Variants in ARHGEF33 observed in about 807,000 individuals in gnomAD.
ARHGEF33 encodes DH and coiled-coil domain-containing protein ENSP00000381780.
Under a neutral mutation model 101.9 loss-of-function variants are expected in ARHGEF33, and 72 were observed. The observed-to-expected ratio is 0.71, with a 90% CI of 0.58 to 0.86. The LOEUF is 0.86. Among genes scored for constraint, ARHGEF33 ranks in the 40% least tolerant of loss-of-function variants. ARHGEF33 has a pLI of 0.00. For missense variants in ARHGEF33, 1,169 were observed against 1,111.3 expected (o/e 1.05, Z -0.74); for synonymous variants, 499 against 442.5 (o/e 1.13, Z -1.60).
chr2:38,917,515 T>C (rs1666661689), intron 2 of ARHGEF33, among the ~76,000 whole-genome samples: 1 of 152,156 alleles, frequency 6.6e-6, no homozygotes, highest in Admixed American at 6.5e-5. Context: ...AATTAAGCAG[T>C]AGAACATTTC....
chr2:38,948,061 A>C (rs1201963913), intron 10 of ARHGEF33, among the ~76,000 whole-genome samples: 1 of 152,162 alleles, frequency 6.6e-6, no homozygotes, highest in Non-Finnish European at 1.5e-5. Context: ...ATAAACTACT[A>C]ATGTTGCCAA....
intron 2 of ARHGEF33, among the ~76,000 whole-genome samples, chr2:38,918,079 TGAAAG>T (rs1666674687): frequency 6.6e-6 from 1 of 152,184 alleles, no homozygotes; most frequent in Non-Finnish European, 1.5e-5. Flanking sequence ...AGGAATTTGT[TGAAAG>T]GAGATGGACA....
At position 38,966,057 on chromosome 2, in the gene ARHGEF33, A is replaced by G; in HGVS notation, c.2395A>G (p.Ser799Gly). The G allele has an allele frequency of 6.4e-7, 1 of 1,551,730 alleles. No homozygotes were observed. Among genetic ancestry groups the G allele is most frequent in the South Asian group, 1.2e-5 (1 of 84,062 alleles). ...TRFCPKEERE[S>G]EQTSFSDQNP... ...ATTCTGTCCCAAAGAAGAAAGAGAAAGTGAACAAACATCTTTCAGCGATCA... is the reference window on the plus strand; with the variant it reads ...ATTCTGTCCCAAAGAAGAAAGAGAAGGTGAACAAACATCTTTCAGCGATCA... The change falls in exon 17 of 18, where the codon AGT becomes GGT. Residue 799 changes from serine to glycine, a missense_variant. Transcript: ENST00000409978.
At chr2:38,943,156 G>A (rs1227761542) in intron 9 of ARHGEF33, among the ~76,000 whole-genome samples, 1 of 152,170 alleles carries the variant, frequency 6.6e-6, no homozygotes, top group Non-Finnish European at 1.5e-5. Context: ...TCGAACTCCT[G>A]ACCTCAGGTG....
intron 14 of ARHGEF33, 140 bp from the exon 15 acceptor site, chr2:38,957,894 G>C: frequency 8.6e-6 from 9 of 1,043,468 alleles, no homozygotes; most frequent in Non-Finnish European, 1.2e-5. Context: ...AAGCAACTTA[G>C]TTTGCAAAGG....
intron 2 of ARHGEF33, among the ~76,000 whole-genome samples, chr2:38,903,732 C>A (rs1001307220): frequency 2.0e-5 from 3 of 152,176 alleles, no homozygotes; most frequent in Admixed American, 1.3e-4. Flanking sequence ...TCTGCAAATA[C>A]CCTTTAGGGC....
chr2:38,955,690 T>G (rs1667723507), intron 13 of ARHGEF33, among the ~76,000 whole-genome samples: 2 of 151,586 alleles, frequency 1.3e-5, no homozygotes, highest in African/African-American at 4.9e-5. Context: ...TTATTTTTAT[T>G]TTTTGAGATG....
At chr2:38,895,721 A>G (rs552930008) in intron 1 of ARHGEF33, 56 bp from the exon 2 acceptor site, 1 of 152,088 alleles carries the variant, frequency 6.6e-6, no homozygotes, top group African/African-American at 2.4e-5. Context: ...AAATGATGGT[A>G]TAAAATGCAA....
Position 38,921,381 on chromosome 2 carries a change from T to C in ARHGEF33, c.33T>C (p.Asn11=), listed in dbSNP as rs1230828765. 1 of 1,541,596 alleles carries C rather than the reference T, an allele frequency of 6.5e-7. No homozygotes were observed. Among genetic ancestry groups the C allele is most frequent in the Non-Finnish European group, 8.8e-7 (1 of 1,137,752 alleles). Residue 11 remains asparagine (N), a synonymous_variant, in exon 4 of 18, where the codon AAT becomes AAC. Coordinates refer to ENST00000409978, the MANE Select transcript of ARHGEF33 (RefSeq NM_001145451.5). ...AGCTCTTTCTCCCTGCAGGAGAGAATGAACATATGCCGGTGAATAATCCTT... is the reference window on the plus strand; with the variant it reads ...AGCTCTTTCTCCCTGCAGGAGAGAACGAACATATGCCGGTGAATAATCCTT... MEKTKTKQGE[N]EHMPVNNPST...
At chr2:38,966,963 G>T (rs956894564) in intron 17 of ARHGEF33, among the ~76,000 whole-genome samples, 4 of 152,214 alleles carry the variant, frequency 2.6e-5, no homozygotes, top group African/African-American at 9.6e-5. Context: ...CCCTTAGAGA[G>T]ATTTTTCCTG....
At chr2:38,930,832 T>C (rs1465057348) in intron 6 of ARHGEF33, among the ~76,000 whole-genome samples, 1 of 152,172 alleles carries the variant, frequency 6.6e-6, no homozygotes, top group Non-Finnish European at 1.5e-5. Context: ...AAGATCCCGA[T>C]GATAAGGAAG....
chr2:38,899,201 G>T (rs1666188837), intron 2 of ARHGEF33, among the ~76,000 whole-genome samples: 1 of 152,056 alleles, frequency 6.6e-6, no homozygotes, highest in African/African-American at 2.4e-5. Context: ...GTGAATAAAT[G>T]ATTTAAATGT....
chr2:38,953,356 T>G, intron 12 of ARHGEF33, 111 bp downstream of exon 12: 1 of 684,942 alleles, frequency 1.5e-6, no homozygotes, highest in Non-Finnish European at 2.6e-6. Flanking sequence ...GGCTGGGGAA[T>G]GGCCTGAACA....
chr2:38,950,119 T>C (rs1354618111), intron 10 of ARHGEF33, among the ~76,000 whole-genome samples: 1 of 152,144 alleles, frequency 6.6e-6, no homozygotes, highest in Non-Finnish European at 1.5e-5. Flanking sequence ...CAGACAAGAC[T>C]GTCCTGGCCC....
At chr2:38,895,308 A>G (rs931389466) in intron 1 of ARHGEF33, among the ~76,000 whole-genome samples, 5 of 152,214 alleles carry the variant, frequency 3.3e-5, no homozygotes, top group African/African-American at 9.7e-5. Flanking sequence ...GATCACTTCA[A>G]TTGGCGCTTA....
intron 16 of ARHGEF33, among the ~76,000 whole-genome samples, chr2:38,964,109 A>T (rs529961773): frequency 6.6e-6 from 1 of 152,192 alleles, no homozygotes; most frequent in African/African-American, 2.4e-5. Flanking sequence ...TGTGTCACTT[A>T]TGTCCAATCT....
intron 17 of ARHGEF33, among the ~76,000 whole-genome samples, chr2:38,966,439 G>A (rs149982926): frequency 3.9e-4 from 59 of 152,316 alleles, no homozygotes; most frequent in African/African-American, 1.3e-3. Context: ...CTTGAGAAAT[G>A]AGCTGGTGAC....
At chr2:38,949,654 T>G (rs1392019277) in intron 10 of ARHGEF33, among the ~76,000 whole-genome samples, 1 of 152,202 alleles carries the variant, frequency 6.6e-6, no homozygotes, top group Non-Finnish European at 1.5e-5. Flanking sequence ...AAGCCAGGCC[T>G]GGTCAGTAGC....
chr2:38,913,188 A>C (rs1666552259), intron 2 of ARHGEF33, among the ~76,000 whole-genome samples: 2 of 152,102 alleles, frequency 1.3e-5, no homozygotes, highest in African/African-American at 4.8e-5. Flanking sequence ...AGGCTTTGTC[A>C]ACAAATTTGA....
Sources: gnomAD v4.1 joint callset for allele counts (sites outside exome capture counted in the v4.1 genomes callset) on GRCh38, gnomAD v4.1.1 for gene constraint, MANE v1.5 for transcripts, NCBI Gene and HGNC (gene_info 2026-07-23, HGNC 2026-07-21) for gene names.